PM20D2: variants seen among roughly 807,000 people sequenced by gnomAD.
PM20D2 encodes peptidase M20 domain containing 2, also known as xaa-Arg dipeptidase.
In PM20D2, 33 loss-of-function variants were observed where a neutral mutation model predicts 42.9. That is an observed-to-expected ratio of 0.77 (90% CI 0.58 to 1.03). PM20D2 has a LOEUF of 1.03. Ranked by LOEUF, PM20D2 falls within the 50% of genes least tolerant of loss-of-function variation. The pLI is 0.00. For synonymous variants in PM20D2, 250 were observed against 228.2 expected (o/e 1.10, Z -0.86); for missense variants, 548 against 557.0 (o/e 0.98, Z 0.16).
the PM20D2 span, among the ~76,000 whole-genome samples, chr6:89,095,675 A>G: frequency 6.6e-6 from 1 of 152,280 alleles, no homozygotes; most frequent in South Asian, 2.1e-4. Flanking sequence ...TACATTTAAA[A>G]ATAAATTAGC....
the PM20D2 span, among the ~76,000 whole-genome samples, chr6:89,118,582 G>A: frequency 1.3e-5 from 2 of 152,204 alleles, no homozygotes; most frequent in Non-Finnish European, 2.9e-5. Context: ...CTTCCAAAGT[G>A]CTGGGATTAC....
chr6:89,132,305 C>T, the PM20D2 span, among the ~76,000 whole-genome samples: 1 of 144,924 alleles, frequency 6.9e-6, no homozygotes, highest in African/African-American at 2.9e-5. Flanking sequence ...TCCACTCAAA[C>T]TTCCTGTGCT....
chr6:89,125,660 G>A, the PM20D2 span, among the ~76,000 whole-genome samples: 3 of 152,100 alleles, frequency 2.0e-5, no homozygotes, highest in East Asian at 1.9e-4. Context: ...GCGGGTGCCT[G>A]TAATCCCAGC....
chr6:89,094,781 CTTTTTTTTTT>C, the PM20D2 span, among the ~76,000 whole-genome samples: 5 of 138,858 alleles, frequency 3.6e-5, no homozygotes, highest in East Asian at 1.1e-3. Context: ...TGCTACGCAT[CTTTTTTTTTT>C]TTTTTTTTTA....
upstream of PM20D2, among the ~76,000 whole-genome samples, chr6:89,143,747 CA>C (rs1770419397): frequency 6.6e-6 from 1 of 152,100 alleles, no homozygotes; most frequent in African/African-American, 2.4e-5. Flanking sequence ...ATGAGCTGAC[CA>C]GATTCTAGAA....
upstream of PM20D2, among the ~76,000 whole-genome samples, chr6:89,143,098 CTT>C (rs1212416161): frequency 6.6e-6 from 1 of 151,910 alleles, no homozygotes; most frequent in Non-Finnish European, 1.5e-5. Flanking sequence ...TTTTCAAAAA[CTT>C]TTTTTTCTCA....
At chr6:89,109,760 G>A in the PM20D2 span, among the ~76,000 whole-genome samples, 1 of 152,174 alleles carries the variant, frequency 6.6e-6, no homozygotes, top group Non-Finnish European at 1.5e-5. Context: ...ATTCAAAAAA[G>A]TACAGAGAAT....
chr6:89,118,001 C>T, the PM20D2 span: 8 of 1,169,046 alleles, frequency 6.8e-6, no homozygotes, highest in Middle Eastern at 5.2e-4. Flanking sequence ...GACCCCCACC[C>T]CTCGGCCTCA....
At chr6:89,160,783 G>A (rs1275919947) in intron 5 of PM20D2, among the ~76,000 whole-genome samples, 1 of 152,206 alleles carries the variant, frequency 6.6e-6, no homozygotes, top group Non-Finnish European at 1.5e-5. Context: ...CACTTTATGG[G>A]AAGGTGAAGT....
At chr6:89,098,719 T>C in the PM20D2 span, 1 of 1,614,006 alleles carries the variant, frequency 6.2e-7, no homozygotes, top group East Asian at 2.2e-5. Flanking sequence ...AGTCAGAATG[T>C]CTTCCATGTG....
At chr6:89,112,298 A>G in the PM20D2 span, among the ~76,000 whole-genome samples, 2 of 152,202 alleles carry the variant, frequency 1.3e-5, no homozygotes, top group African/African-American at 4.8e-5. Context: ...AAAGCCTTTT[A>G]GTGTCTTCTG....
chr6:89,157,949 G>A (rs1167051388), intron 4 of PM20D2, among the ~76,000 whole-genome samples: 1 of 152,196 alleles, frequency 6.6e-6, no homozygotes, highest in Non-Finnish European at 1.5e-5. Context: ...GGAGGTTGTG[G>A]TGAGCTGAGA....
At chr6:89,160,031 A>ATATC (rs1164830985) in intron 5 of PM20D2, among the ~76,000 whole-genome samples, 4 of 152,100 alleles carry the variant, frequency 2.6e-5, no homozygotes. Flanking sequence ...CACAAGTAAG[A>ATATC]TCTTAAAATA....
At chr6:89,144,037 T>C (rs534072748), upstream of PM20D2, among the ~76,000 whole-genome samples, 3 of 152,266 alleles carry the variant, frequency 2.0e-5, no homozygotes, top group South Asian at 2.1e-4. Context: ...GAGGGGAAGA[T>C]AAACGGTCAG....
upstream of PM20D2, among the ~76,000 whole-genome samples, chr6:89,142,110 C>A (rs1319809651): frequency 6.6e-6 from 1 of 151,804 alleles, no homozygotes; most frequent in African/African-American, 2.4e-5. Context: ...GCATGAGCCA[C>A]CAAAACCAGC....
chr6:89,159,140 C>T (rs1194027524), intron 5 of PM20D2, among the ~76,000 whole-genome samples: 1 of 152,078 alleles, frequency 6.6e-6, no homozygotes, highest in African/African-American at 2.4e-5. Flanking sequence ...TGTTCAGTAC[C>T]TGTTAAATCT....
chr6:89,094,941 TA>T, the PM20D2 span, among the ~76,000 whole-genome samples: 1 of 152,170 alleles, frequency 6.6e-6, no homozygotes, highest in Non-Finnish European at 1.5e-5. Flanking sequence ...TCAAAATCTG[TA>T]AATGTCTCAC....
chr6:89,099,411 T>C, the PM20D2 span, among the ~76,000 whole-genome samples: 3 of 82,776 alleles, frequency 3.6e-5, no homozygotes, highest in East Asian at 8.9e-4. Context: ...TCCATATATA[T>C]ATACATATAT....
chr6:89,126,668 T>TAAAA, the PM20D2 span, among the ~76,000 whole-genome samples: 112 of 104,624 alleles, frequency 1.1e-3, 4 homozygotes, highest in Non-Finnish European at 1.4e-3. Context: ...AGACTCCATC[T>TAAAA]AAAAAAAAAA....
Sources: gnomAD v4.1 joint callset for allele counts (sites outside exome capture counted in the v4.1 genomes callset) on GRCh38, gnomAD v4.1.1 for gene constraint, MANE v1.5 for transcripts, NCBI Gene and HGNC (gene_info 2026-07-23, HGNC 2026-07-21) for gene names.